Variants in DTNB observed in about 807,000 individuals in gnomAD.
The protein encoded by DTNB is dystrobrevin beta.
DTNB carries 63 observed loss-of-function variants against 90.7 expected under a neutral mutation model. The observed-to-expected ratio is 0.69, with a 90% confidence interval of 0.57 to 0.86. The LOEUF is 0.86. DTNB is among the 40% of genes least tolerant of loss of function. The probability of loss-of-function intolerance (pLI) is 0.00; values close to 1 mark genes in which losing one functional copy is unlikely to be tolerated. For missense variants in DTNB, 744 were observed against 807.1 expected (o/e 0.92, Z 0.95); for synonymous variants, 277 against 286.7 (o/e 0.97, Z 0.34).
At chr2:25,466,142 G>A (rs955716139) in intron 10 of DTNB, among the ~76,000 whole-genome samples, 1 of 152,138 alleles carries the variant, frequency 6.6e-6, no homozygotes, top group Non-Finnish European at 1.5e-5. Flanking sequence ...AGATCAGCCT[G>A]GCCAACATAT....
At position 25,515,409 on chromosome 2, in the gene DTNB, T is replaced by C. The variant is rs115713769; in HGVS notation, c.1001+16064A>G. On this transcript the variant is annotated intron_variant, in intron 9 of 20. Transcript: ENST00000406818. ...TTAAGTTATAGTAACCAAGATCATATGGTACAGCTATAAGGACAGATACAC... is the reference window on the plus strand; with the variant it reads ...TTAAGTTATAGTAACCAAGATCATACGGTACAGCTATAAGGACAGATACAC... Among the ~76,000 whole-genome samples, 99 of 152,260 alleles carry C rather than the reference T, an allele frequency of 6.5e-4. 1 individual carries two copies. The highest frequency in any genetic ancestry group is 2.3e-3 in the African/African-American group (97 of 41,550).
chr2:25,653,508 T>TTTCC (rs2081426469), intron 1 of DTNB, among the ~76,000 whole-genome samples: 2 of 120,100 alleles, frequency 1.7e-5, no homozygotes, highest in African/African-American at 6.6e-5. Context: ...TCTTTCTTTC[T>TTTCC]TTCTTTCTTT....
chr2:25,451,373 G>A (rs2059252681), intron 12 of DTNB, among the ~76,000 whole-genome samples, 175 bp downstream of exon 12: 1 of 152,178 alleles, frequency 6.6e-6, no homozygotes, highest in Non-Finnish European at 1.5e-5. Context: ...GTAGGTTTTT[G>A]TAGGTGTTCT....
rs1307694380 is a variant in DTNB, at chr2:25,580,593, T to G, written c.709+128A>C. On this transcript the variant is annotated intron_variant, in intron 7 of 20. Transcript: ENST00000406818. ...TCTTCTGAAAGCCAAAACCACAAAATGAAATGACAGAATGACAGCAAATGT... is the reference window on the plus strand; with the variant it reads ...TCTTCTGAAAGCCAAAACCACAAAAGGAAATGACAGAATGACAGCAAATGT... The G allele has an allele frequency of 5.3e-6, 5 of 935,544 alleles. No individual in the cohort carries two copies. In the African/African-American group the frequency reaches 6.8e-5, roughly 13 times the overall value. The allele number at this position is 935,544 out of a possible 1,614,324, so 58.0% of individuals were successfully genotyped here. A position where few individuals can be genotyped will look rare whatever the true frequency, so the allele number is the denominator to read the frequency against.
chr2:25,526,395 A>ATTT lies in DTNB; in HGVS notation c.1001+5075_1001+5077dup, dbSNP rs1245672956. ...TATATATATATATATATATATATAT[A>ATTT]TTTTTTTTTTTTTAATTGAGACAGA... On this transcript the variant is annotated intron_variant, in intron 9 of 20. Coordinates refer to ENST00000406818, the MANE Select transcript of DTNB (RefSeq NM_021907.5). 7.4e-4 allele frequency among the ~76,000 whole-genome samples: 37 copies of ATTT among 49,820 alleles called. 1 individual carries two copies. Among genetic ancestry groups the ATTT allele is most frequent in the South Asian group, 4.0e-3 (6 of 1,484 alleles). 32.7% of individuals were successfully genotyped at this position (49,820 alleles called of 152,430 possible). A position where few individuals can be genotyped will look rare whatever the true frequency, so the allele number is the denominator to read the frequency against.
chr2:25,576,104 C>T (rs1306688680), intron 8 of DTNB, among the ~76,000 whole-genome samples: 2 of 152,082 alleles, frequency 1.3e-5, no homozygotes, highest in African/African-American at 4.8e-5. Flanking sequence ...CTGCAACTTT[C>T]CTTGCACATT....
intron 4 of DTNB, among the ~76,000 whole-genome samples, chr2:25,613,055 A>T (rs1016633906): frequency 1.3e-5 from 2 of 152,158 alleles, no homozygotes; most frequent in Non-Finnish European, 2.9e-5. Context: ...ACACTTCCCA[A>T]CTCTTTTTAT....
chr2:25,494,602 T>C (rs1320858114), intron 9 of DTNB, among the ~76,000 whole-genome samples: 1 of 152,138 alleles, frequency 6.6e-6, no homozygotes, highest in Non-Finnish European at 1.5e-5. Flanking sequence ...TGTTGGAATG[T>C]CATTAGGACG....
intron 18 of DTNB, among the ~76,000 whole-genome samples, chr2:25,385,728 C>T (rs2039288093): frequency 6.6e-6 from 1 of 152,226 alleles, no homozygotes; most frequent in Non-Finnish European, 1.5e-5. Flanking sequence ...AATTACACTA[C>T]ATAATTTTGT....
intron 2 of DTNB, among the ~76,000 whole-genome samples, chr2:25,651,511 C>T (rs1322920397): frequency 2.0e-5 from 3 of 152,180 alleles, no homozygotes; most frequent in African/African-American, 4.8e-5. Flanking sequence ...GATTACTAGC[C>T]ATTAGAAGCT....
chr2:25,455,296 A>G (rs1276454059), intron 11 of DTNB, 109 bp downstream of exon 11: 3 of 1,009,910 alleles, frequency 3.0e-6, no homozygotes, highest in East Asian at 2.8e-5. Context: ...GTAGCTGCTC[A>G]AGAAAAACCT....
intron 16 of DTNB, among the ~76,000 whole-genome samples, chr2:25,411,638 T>C (rs2046644436): frequency 6.6e-6 from 1 of 152,190 alleles, no homozygotes; most frequent in African/African-American, 2.4e-5. Context: ...AACAGACATC[T>C]GTACCATTTG....
intron 5 of DTNB, among the ~76,000 whole-genome samples, chr2:25,599,427 C>A (rs1437721545): frequency 6.6e-6 from 1 of 151,752 alleles, no homozygotes; most frequent in African/African-American, 2.4e-5. Context: ...CTGCAAGCTC[C>A]ACCTCCTGGG....
chr2:25,552,336 T>C (rs1201662100), intron 8 of DTNB, among the ~76,000 whole-genome samples: 1 of 152,204 alleles, frequency 6.6e-6, no homozygotes, highest in Non-Finnish European at 1.5e-5. Flanking sequence ...TTATAGCTAG[T>C]CTTCTTAGCA....
intron 6 of DTNB, among the ~76,000 whole-genome samples, chr2:25,582,638 G>A (rs1413293690): frequency 6.6e-6 from 1 of 152,136 alleles, no homozygotes; most frequent in Non-Finnish European, 1.5e-5. Flanking sequence ...GGGGCGGGAG[G>A]AGCTGAGAAC....
intron 4 of DTNB, among the ~76,000 whole-genome samples, chr2:25,620,449 G>T (rs910821168): frequency 6.6e-6 from 1 of 152,026 alleles, no homozygotes; most frequent in Non-Finnish European, 1.5e-5. Context: ...GAAAACAAAG[G>T]CAAGGAAAAA....
intron 8 of DTNB, among the ~76,000 whole-genome samples, chr2:25,536,705 G>C (rs868823005): frequency 6.6e-6 from 1 of 152,176 alleles, no homozygotes; most frequent in African/African-American, 2.4e-5. Flanking sequence ...GTAGAAAGAG[G>C]GAGACAGAGA....
intron 8 of DTNB, among the ~76,000 whole-genome samples, chr2:25,538,815 T>C (rs534599676): frequency 2.6e-4 from 40 of 152,262 alleles, no homozygotes; most frequent in Admixed American, 1.1e-3. Flanking sequence ...GCCTGTGAAA[T>C]AGAACATTAG....
intron 6 of DTNB, among the ~76,000 whole-genome samples, chr2:25,582,678 G>A (rs917509383): frequency 5.3e-5 from 8 of 152,064 alleles, no homozygotes; most frequent in Non-Finnish European, 8.8e-5. Flanking sequence ...AATGATTGGC[G>A]GTATGGAGCT....
Sources: allele counts gnomAD v4.1 joint callset (sites outside exome capture counted in the v4.1 genomes callset), GRCh38; gene constraint gnomAD v4.1.1; transcripts MANE v1.5; gene names NCBI Gene and HGNC (gene_info 2026-07-23, HGNC 2026-07-21).